Variants in SEC31A observed in about 807,000 individuals in gnomAD.
SEC31A encodes the protein SEC31 homolog A, COPII component.
A neutral mutation model predicts 151.0 loss-of-function variants in SEC31A; 70 were observed. The observed-to-expected ratio is 0.46, with a 90% CI of 0.38 to 0.57. The LOEUF (loss-of-function observed/expected upper bound fraction) is 0.57, where lower values mean the gene tolerates loss of function less well. Ranked by LOEUF, SEC31A falls within the 20% of genes least tolerant of loss-of-function variation. The probability of loss-of-function intolerance (pLI) is 0.00; values close to 1 mark genes in which losing one functional copy is unlikely to be tolerated. For synonymous variants in SEC31A, 475 were observed against 505.9 expected (o/e 0.94, Z 0.82); for missense variants, 1,330 against 1,471.2 (o/e 0.90, Z 1.57).
chr4:82,821,193 T>C (rs1723230857), intron 25 of SEC31A, 85 bp from the exon 26 acceptor site: 3 of 972,906 alleles, frequency 3.1e-6, no homozygotes, highest in East Asian at 4.8e-5. Flanking sequence ...CTAAACCTTA[T>C]ACTTAAAATG....
At chr4:82,849,968 CT>C (rs1413682690) in intron 19 of SEC31A, among the ~76,000 whole-genome samples, 8 of 151,852 alleles carry the variant, frequency 5.3e-5, no homozygotes, top group Admixed American at 5.2e-4. Flanking sequence ...TTTTATTTGC[CT>C]TTTGGGGGGG....
At chr4:82,849,522 A>T (rs1186045583) in intron 19 of SEC31A, among the ~76,000 whole-genome samples, 1 of 151,398 alleles carries the variant, frequency 6.6e-6, no homozygotes, top group Non-Finnish European at 1.5e-5. Flanking sequence ...GCTGAGGCAG[A>T]AGAATGGCGT....
chr4:82,897,324 A>G (rs1404782204), intron 3 of SEC31A, among the ~76,000 whole-genome samples: 1 of 152,236 alleles, frequency 6.6e-6, no homozygotes, highest in Non-Finnish European at 1.5e-5. Flanking sequence ...AAATAATGAT[A>G]TAACAATAAT....
At chr4:82,828,942 T>C (rs571323694) in intron 23 of SEC31A, 58 bp downstream of exon 23, 4 of 1,333,630 alleles carry the variant, frequency 3.0e-6, no homozygotes, top group South Asian at 2.3e-5. Flanking sequence ...GTGTTCCAAG[T>C]GGCTACGTGG....
At chr4:82,862,989 T>C (rs1734519589) in intron 12 of SEC31A, among the ~76,000 whole-genome samples, 1 of 152,370 alleles carries the variant, frequency 6.6e-6, no homozygotes, top group East Asian at 1.9e-4. Flanking sequence ...AAAAGAGCAC[T>C]AATCTTCAAT....
intron 1 of SEC31A, 89 bp from the exon 2 acceptor site, chr4:82,882,029 C>G: frequency 1.0e-6 from 1 of 962,286 alleles, no homozygotes; most frequent in East Asian, 2.4e-5. Flanking sequence ...ACATACTGAA[C>G]AAACCACTAC....
rs201226065 is a variant in SEC31A at position 82,842,471 on chromosome 4, T to C, written c.2637A>G (p.Pro879=). 1 of 1,609,950 alleles carries C rather than the reference T, an allele frequency of 6.2e-7. No homozygotes were observed. The highest frequency in any genetic ancestry group is 1.3e-5 in the African/African-American group (1 of 74,988). The change falls in exon 22 of 27, where the codon CCA becomes CCG. Residue 879 remains proline (P), a synonymous_variant. Coordinates refer to ENST00000395310, the MANE Select transcript of SEC31A (RefSeq NM_001077207.4). The part of the protein sequence containing the change: ...PPYPQPQPYQ[P]AQPYPFGTGG... ...CTGTTCCGAAGGGATACGGCTGGGC[T>C]GGTTGATAAGCTACACCAAGGAGAA...
chr4:82,870,562 T>C, intron 7 of SEC31A, 138 bp from the exon 8 acceptor site: 1 of 667,092 alleles, frequency 1.5e-6, no homozygotes, highest in Non-Finnish European at 2.5e-6. Flanking sequence ...GCCGGGCGCA[T>C]TGGCTCACAC....
chr4:82,824,946 A>T (rs1006824453), intron 24 of SEC31A, among the ~76,000 whole-genome samples: 1 of 152,242 alleles, frequency 6.6e-6, no homozygotes, highest in Non-Finnish European at 1.5e-5. Context: ...TATGTTGGTC[A>T]ATATTGTTTA....
chr4:82,867,005 T>C (rs1190427860), intron 9 of SEC31A, 45 bp from the exon 10 acceptor site: 1 of 1,585,140 alleles, frequency 6.3e-7, no homozygotes. Flanking sequence ...ATACACAAAG[T>C]TTCATTTTTT....
At chr4:82,886,024 A>G (rs1259853154) in intron 1 of SEC31A, among the ~76,000 whole-genome samples, 2 of 149,004 alleles carry the variant, frequency 1.3e-5, no homozygotes, top group Non-Finnish European at 3.0e-5. Context: ...CAATCTGTAC[A>G]TGCTAGCAAG....
At chr4:82,894,931 T>C (rs1345000182), upstream of SEC31A, 2 of 152,262 alleles carry the variant, frequency 1.3e-5, no homozygotes, top group Non-Finnish European at 2.9e-5. Context: ...TTTCATGATA[T>C]GCATTTTCCA....
chr4:82,876,204 G>C (rs980254358), intron 4 of SEC31A, among the ~76,000 whole-genome samples: 2 of 149,318 alleles, frequency 1.3e-5, no homozygotes, highest in Non-Finnish European at 3.0e-5. Context: ...TCCGCCTCCC[G>C]GGTCCAAGTG....
At chr4:82,835,135 C>A (rs1726908730) in intron 22 of SEC31A, among the ~76,000 whole-genome samples, 1 of 152,202 alleles carries the variant, frequency 6.6e-6, no homozygotes, top group African/African-American at 2.4e-5. Context: ...GTATGAGCCA[C>A]AACTCCTGGC....
At chr4:82,896,984 T>C (rs138924812) in intron 3 of SEC31A, among the ~76,000 whole-genome samples, 253 of 152,318 alleles carry the variant, frequency 1.7e-3, no homozygotes, top group African/African-American at 5.7e-3. Context: ...CAGCAAAATA[T>C]AGACCTTGTC....
intron 22 of SEC31A, among the ~76,000 whole-genome samples, chr4:82,837,196 TATA>T (rs1371692971): frequency 0.054 from 3,313 of 61,430 alleles, 257 homozygotes; most frequent in Non-Finnish European, 0.1. Flanking sequence ...TATATATATA[TATA>T]ATTTCACCAC....
At chr4:82,867,946 T>G (rs930712825) in intron 8 of SEC31A, among the ~76,000 whole-genome samples, 4 of 152,238 alleles carry the variant, frequency 2.6e-5, no homozygotes, top group African/African-American at 9.6e-5. Context: ...GGCCAACTTT[T>G]TAAACTCTAA....
intron 14 of SEC31A, among the ~76,000 whole-genome samples, chr4:82,858,933 C>T (rs1392271838): frequency 6.6e-6 from 1 of 152,022 alleles, no homozygotes; most frequent in Non-Finnish European, 1.5e-5. Flanking sequence ...GATCTCCTGA[C>T]CTCATGATCC....
intron 20 of SEC31A, among the ~76,000 whole-genome samples, chr4:82,846,147 G>T (rs559337055): frequency 6.6e-6 from 1 of 152,030 alleles, no homozygotes; most frequent in African/African-American, 2.4e-5. Flanking sequence ...GGGACTACAG[G>T]CGCCTGCCAC....
Sources: gnomAD v4.1 joint callset for allele counts (sites outside exome capture counted in the v4.1 genomes callset) on GRCh38, gnomAD v4.1.1 for gene constraint, MANE v1.5 for transcripts, NCBI Gene and HGNC (gene_info 2026-07-23, HGNC 2026-07-21) for gene names.